PIDD1: variants seen among roughly 807,000 people sequenced by gnomAD.
The protein encoded by PIDD1 is p53-induced death domain protein 1.
In PIDD1, 72 loss-of-function variants were observed where a neutral mutation model predicts 80.0. The ratio of observed to expected loss-of-function variants is 0.90; its 90% CI spans 0.74 to 1.09. The LOEUF is 1.09. PIDD1 is among the 50% of genes least tolerant of loss of function. PIDD1 has a pLI of 0.00. For missense variants in PIDD1, 1,329 were observed against 1,228.3 expected (o/e 1.08, Z -1.23); for synonymous variants, 655 against 543.5 (o/e 1.21, Z -2.85).
rs141162946 is a variant in PIDD1, at chr11:804,286, C to A, written c.103G>T (p.Gly35Cys). ...AGSRALPFLG[G>C]NRLSLDLYPG... is the part of the protein sequence containing the mutation. ...TACAGGTCCAAGCTCAGCCGGTTGC[C>A]GCCCAGGAAAGGCAGCGCCCTGGAC... The change falls in exon 2 of 16, where the codon GGC becomes TGC. Residue 35 changes from glycine (G) to cysteine (C), a missense_variant. Coordinates refer to ENST00000347755, the MANE Select transcript of PIDD1 (RefSeq NM_145886.4). 1.9e-6 allele frequency: 3 copies of A among 1,612,788 alleles called. No homozygotes were observed. The highest frequency in any genetic ancestry group is 2.7e-5 in the African/African-American group (2 of 74,926).
Position 801,529 on chromosome 11 carries a change from T to C in PIDD1, c.1398A>G (p.Thr466=), listed in dbSNP as rs1242020707. The change falls in exon 8 of 16, where the codon ACA becomes ACG. Residue 466 remains threonine, a synonymous_variant. Coordinates refer to ENST00000347755, the MANE Select transcript of PIDD1 (RefSeq NM_145886.4). ...SNACLVPPEG[T]LLCSSGHPGV... Reference sequence around the variant, plus strand: ...CAGGATGACCCGAGGAGCACAGCAGTGTCCCCTCCGGTGGCACCAGGCAGG... The same window carrying C: ...CAGGATGACCCGAGGAGCACAGCAGCGTCCCCTCCGGTGGCACCAGGCAGG... 1 of 1,565,302 alleles carries C rather than the reference T, an allele frequency of 6.4e-7. No homozygotes were observed. The highest frequency in any genetic ancestry group is 1.9e-5 in the Admixed American group (1 of 52,708).
chr11:805,807 A>G (rs1006672063), upstream of PIDD1: 8 of 492,732 alleles, frequency 1.6e-5, no homozygotes, highest in African/African-American at 1.5e-4. Context: ...AGGCGTTAAG[A>G]GATAAAATAT....
chr11:808,414 G>T (rs1336439258), upstream of PIDD1, among the ~76,000 whole-genome samples: 1 of 149,046 alleles, frequency 6.7e-6, no homozygotes, highest in African/African-American at 2.5e-5. Flanking sequence ...GGAACAGTGG[G>T]ACTCCTCAGA....
At chr11:804,669 G>A (rs1865655366) in intron 1 of PIDD1, 2 of 445,142 alleles carry the variant, frequency 4.5e-6, no homozygotes, top group Non-Finnish European at 7.9e-6. Context: ...GCCATGGCTC[G>A]CAGGAGCACC....
In PIDD1 at chr11:802,605, G is replaced by A. The variant is rs779101038; in HGVS notation, c.920-8C>T. 2.4e-5 allele frequency: 39 copies of A among 1,612,570 alleles called. No individual in the cohort carries two copies. The highest frequency in any genetic ancestry group is 1.6e-4 in the Middle Eastern group (1 of 6,082). The stretch of plus-strand genomic sequence containing the variant: ...CTGGAATGAGGGCTGCCACTGTGCA[G>A]GGGACAGACATGTGCTCAGGACAGT... On this transcript the variant is annotated splice_region_variant and splice_polypyrimidine_tract_variant and intron_variant, in intron 4 of 15. Transcript: ENST00000347755.
At position 801,576 on chromosome 11, in the gene PIDD1, CCA is replaced by C; in HGVS notation, c.1349_1350del (p.Val450GlyfsTer36). On this transcript the variant is annotated frameshift_variant, in exon 8 of 16. Transcript: ENST00000347755. LOFTEE classifies it high-confidence loss of function. The stretch of plus-strand genomic sequence containing the variant: ...CAGGCATTGGACACAGGGCGGGAAA[CCA>C]CAAGGAACCAGGAGAAGTGGGGCAC... ...CQVPHFSWFL[V>X]VSRPVSNACL... 1 of 1,568,330 alleles carries C rather than the reference CCA, an allele frequency of 6.4e-7. No homozygotes were observed. Among genetic ancestry groups the C allele is most frequent in the Non-Finnish European group, 8.6e-7 (1 of 1,156,718 alleles).
intron 4 of PIDD1, 37 bp downstream of exon 4, chr11:802,645 C>T (rs376825397): frequency 3.2e-5 from 52 of 1,607,446 alleles, no homozygotes; most frequent in Non-Finnish European, 4.2e-5. Context: ...AGACTCATGT[C>T]CTATCCCAGG....
At position 801,632 on chromosome 11, in the gene PIDD1, G is replaced by T. The variant is rs1416126353; in HGVS notation, c.1303-8C>A. 5 of 1,439,428 alleles carry T rather than the reference G, an allele frequency of 3.5e-6. No homozygotes were observed. In the African/African-American group the frequency reaches 6.5e-5, roughly 19 times the overall value. The allele number at this position is 1,439,428 out of a possible 1,614,324, so 89.2% of individuals were successfully genotyped here. A position where few individuals can be genotyped will look rare whatever the true frequency, so the allele number is the denominator to read the frequency against. On this transcript the variant is annotated splice_polypyrimidine_tract_variant and splice_region_variant and intron_variant, in intron 7 of 15. Coordinates refer to ENST00000347755, the MANE Select transcript of PIDD1 (RefSeq NM_145886.4). The stretch of plus-strand genomic sequence containing the variant: ...GCAGTGAGCCCAGAGCCGCTGGGAT[G>T]GGGGAGAGAGGAGGTCACAGGAGCC...
chr11:803,824 GAAC>G (rs1435738341), intron 2 of PIDD1: 2 of 632,342 alleles, frequency 3.2e-6, no homozygotes, highest in African/African-American at 1.8e-5. Flanking sequence ...CCTTCCCCAG[GAAC>G]AACATCTGCA....
In PIDD1 at chr11:804,358, C is replaced by T. The variant is rs746600265; in HGVS notation, c.31G>A (p.Glu11Lys). MAATVEGPEL[E>K]AAAAAGDASE... ...GCATCTCCTGCGGCAGCAGCTGCCT[C>T]CAGCTCTGGCCCCTCCACCGTTGCA... is the stretch of plus-strand genomic sequence containing the variant. The change falls in exon 2 of 16, where the codon GAG (glutamate) becomes AAG (lysine). Residue 11 changes from glutamate (E) to lysine (K), a missense_variant. Coordinates refer to ENST00000347755, the MANE Select transcript of PIDD1 (RefSeq NM_145886.4). 1 of 1,602,700 alleles carries T rather than the reference C, an allele frequency of 6.2e-7. No homozygotes were observed. The highest frequency in any genetic ancestry group is 8.5e-7 in the Non-Finnish European group (1 of 1,173,100).
upstream of PIDD1, chr11:805,984 A>T (rs1865751683): frequency 6.6e-6 from 1 of 151,950 alleles, no homozygotes; most frequent in South Asian, 2.1e-4. Flanking sequence ...CTGTAGTCCC[A>T]GCTACTCAGG....
In PIDD1 at chr11:799,832, G is replaced by A. The variant is rs372518532; in HGVS notation, c.2457C>T (p.Arg819=). ...HLGVSYREVQ[R]IRHEFRDDLD... Reference sequence around the variant, plus strand: ...AGCCTCACCGGAACTCGTGCCGGATGCGCTGCACCTCCCGGTAGGACACCC... The same window carrying A: ...AGCCTCACCGGAACTCGTGCCGGATACGCTGCACCTCCCGGTAGGACACCC... The change falls in exon 15 of 16, where the codon CGC becomes CGT. Residue 819 remains arginine (R), a synonymous_variant. Transcript: ENST00000347755. 4.8e-5 allele frequency: 77 copies of A among 1,596,438 alleles called. No individual in the cohort carries two copies. Among genetic ancestry groups the A allele is most frequent in the Non-Finnish European group, 6.0e-5 (70 of 1,172,156 alleles).
chr11:807,578 C>G (rs1229509400), upstream of PIDD1, among the ~76,000 whole-genome samples: 1 of 151,760 alleles, frequency 6.6e-6, no homozygotes. Context: ...GAGATCGAGA[C>G]CATCTTGGCT....
At position 800,406 on chromosome 11, in the gene PIDD1, G is replaced by A. The variant is rs752167351; in HGVS notation, c.2087C>T (p.Ser696Leu). 1.8e-5 allele frequency: 28 copies of A among 1,578,002 alleles called. No individual in the cohort carries two copies. The highest frequency in any genetic ancestry group is 1.2e-4 in the Admixed American group (7 of 58,366). ...TACCTCCTTCACATTCTTCAGGTGC[G>A]AGTAGAAGACAAAGCAGATTCTGCC... ...VEGRICFVFY[S>L]HLKNVKEVYV... The change falls in exon 13 of 16, where the codon TCG becomes TTG. Residue 696 changes from serine to leucine, a missense_variant. Physicochemically the swap from Ser to Leu is moderately radical, Grantham distance 145. Coordinates refer to ENST00000347755, the MANE Select transcript of PIDD1 (RefSeq NM_145886.4).
chr11:801,554 G>A lies in PIDD1; in HGVS notation c.1373C>T (p.Ala458Val). ...FLVVSRPVSNACLVPPEGTLL... is the reference protein window; with the variant it reads ...FLVVSRPVSNVCLVPPEGTLL... ...TGTCCCCTCCGGTGGCACCAGGCAG[G>A]CATTGGACACAGGGCGGGAAACCAC... The change falls in exon 8 of 16, where the codon GCC becomes GTC. Residue 458 changes from alanine to valine, a missense_variant. Physicochemically the swap from Ala to Val is moderately conservative, Grantham distance 64. Coordinates refer to ENST00000347755, the MANE Select transcript of PIDD1 (RefSeq NM_145886.4). 1.3e-6 allele frequency: 2 copies of A among 1,569,050 alleles called. No homozygotes were observed. Among genetic ancestry groups the A allele is most frequent in the Admixed American group, 1.9e-5 (1 of 53,042 alleles).
intron 2 of PIDD1, 162 bp downstream of exon 2, chr11:803,932 C>T (rs1011820210): frequency 6.2e-6 from 5 of 805,892 alleles, no homozygotes; most frequent in African/African-American, 3.5e-5. Context: ...CCGAGGATGG[C>T]GATGGGGCTG....
In PIDD1 at chr11:799,296, G is replaced by T. The variant is rs1865003969; in HGVS notation, c.*11C>A. On this transcript the variant is annotated 3_prime_UTR_variant, in exon 16 of 16. Transcript: ENST00000347755. ...GGGGAATATCTGGGCCAGCCTAAAAGTCTGTGGGGCCTAGGCCTGGGCAGG... is the reference window on the plus strand; with the variant it reads ...GGGGAATATCTGGGCCAGCCTAAAATTCTGTGGGGCCTAGGCCTGGGCAGG... 2 of 1,575,554 alleles carry T rather than the reference G, an allele frequency of 1.3e-6. No individual in the cohort carries two copies. The highest frequency in any genetic ancestry group is 8.6e-7 in the Non-Finnish European group (1 of 1,161,854).
intron 13 of PIDD1, 26 bp downstream of exon 13, chr11:800,307 T>G: frequency 6.2e-7 from 1 of 1,612,598 alleles, no homozygotes; most frequent in Non-Finnish European, 8.5e-7. Flanking sequence ...GGGGGGCCTC[T>G]CCCCTCACCC....
chr11:800,972 G>A lies in PIDD1; in HGVS notation c.1766+13C>T, dbSNP rs559763025. The A allele has an allele frequency of 2.5e-6, 4 of 1,591,336 alleles. No individual in the cohort carries two copies. Among genetic ancestry groups the A allele is most frequent in the Admixed American group, 1.7e-5 (1 of 58,352 alleles). ...CTGGGGGAGGGGGGCTGAGAAAGCTGGGGGGCACTGACCAGGAGAAGTGTG... is the reference window on the plus strand; with the variant it reads ...CTGGGGGAGGGGGGCTGAGAAAGCTAGGGGGCACTGACCAGGAGAAGTGTG... On this transcript the variant is annotated intron_variant, in intron 10 of 15. Coordinates refer to ENST00000347755, the MANE Select transcript of PIDD1 (RefSeq NM_145886.4).
Sources: allele counts gnomAD v4.1 joint callset (sites outside exome capture counted in the v4.1 genomes callset), GRCh38; gene constraint gnomAD v4.1.1; transcripts MANE v1.5; gene names NCBI Gene and HGNC (gene_info 2026-07-23, HGNC 2026-07-21).